Variants in BEAN1 observed in about 807,000 individuals in gnomAD.
BEAN1 encodes the protein protein BEAN1.
BEAN1 carries 17 observed loss-of-function variants against 17.7 expected under a neutral mutation model. The ratio of observed to expected loss-of-function variants is 0.96; its 90% CI spans 0.66 to 1.44. The LOEUF (loss-of-function observed/expected upper bound fraction) is 1.44. Among genes scored for constraint, BEAN1 ranks in the 40% most tolerant of loss-of-function variants. BEAN1 has a pLI of 0.00. For synonymous variants in BEAN1, 142 were observed against 151.8 expected (o/e 0.94, Z 0.47); for missense variants, 359 against 374.1 (o/e 0.96, Z 0.33).
Position 66,434,260 on chromosome 16 carries a change from C to A in BEAN1, c.-82-3335C>A, listed in dbSNP as rs1259668227. Among the ~76,000 whole-genome samples the A allele has an allele frequency of 6.6e-6, 1 of 151,602 alleles. No homozygotes were observed. The highest frequency in any genetic ancestry group is 1.9e-4 in the East Asian group (1 of 5,164). ...GACCCCTGGCAAAGGAACCACAGTC[C>A]CAGCCCATCTGTGCCCCTCATGGCT... On this transcript the variant is annotated intron_variant, in intron 1 of 4. Coordinates refer to ENST00000536005, the MANE Select transcript of BEAN1 (RefSeq NM_001178020.3). The surrounding 1 kb of genome is among the most constrained non-coding windows in gnomAD (Gnocchi z 4.3).
chr16:66,433,171 C>T (rs1320175127), intron 1 of BEAN1, among the ~76,000 whole-genome samples: 1 of 152,034 alleles, frequency 6.6e-6, no homozygotes, highest in African/African-American at 2.4e-5. Context: ...TGCAGTAGTG[C>T]AATCTTGGCT....
At chr16:66,485,434 C>T (rs770091315), downstream of BEAN1, 59 of 323,184 alleles carry the variant, frequency 1.8e-4, 1 homozygote, top group South Asian at 7.5e-4. Context: ...TTGGCATGAG[C>T]GGTGGAGAGA....
chr16:66,452,129 G>A (rs1165161951), intron 2 of BEAN1, among the ~76,000 whole-genome samples: 1 of 152,198 alleles, frequency 6.6e-6, no homozygotes, highest in East Asian at 1.9e-4. Flanking sequence ...ATGGTTTAGT[G>A]TGATGTTGGC....
intron 1 of BEAN1, 99 bp from the exon 2 acceptor site, chr16:66,437,496 C>T: frequency 1.4e-6 from 1 of 693,534 alleles, no homozygotes; most frequent in South Asian, 1.9e-5. Flanking sequence ...CCATCCTCTC[C>T]CGCAGAGGTT....
intron 2 of BEAN1, among the ~76,000 whole-genome samples, chr16:66,464,985 G>C (rs1162567082): frequency 6.6e-6 from 1 of 152,206 alleles, no homozygotes; most frequent in Non-Finnish European, 1.5e-5. Flanking sequence ...TGATCATAGG[G>C]AGAAGGTTTT....
At chr16:66,491,815 G>A (rs1426483688) in intron 4 of BEAN1, among the ~76,000 whole-genome samples, 3 of 152,144 alleles carry the variant, frequency 2.0e-5, no homozygotes, top group Admixed American at 6.5e-5. Flanking sequence ...GACAGGAGGC[G>A]GAGCTCAAGT....
At chr16:66,474,647 A>G (rs1597038434) in intron 3 of BEAN1, among the ~76,000 whole-genome samples, 4 of 64,926 alleles carry the variant, frequency 6.2e-5, no homozygotes, top group Admixed American at 1.7e-4. Context: ...GGAGGGAGGG[A>G]GGGGAAATAG....
At chr16:66,444,434 C>T (rs1187762767) in intron 2 of BEAN1, among the ~76,000 whole-genome samples, 3 of 152,088 alleles carry the variant, frequency 2.0e-5, no homozygotes, top group African/African-American at 7.2e-5. Flanking sequence ...TGACAGGTGG[C>T]TGGAGGCAGG....
At chr16:66,447,311 G>A (rs1040979094) in intron 2 of BEAN1, among the ~76,000 whole-genome samples, 2 of 152,156 alleles carry the variant, frequency 1.3e-5, no homozygotes, top group Non-Finnish European at 2.9e-5. Flanking sequence ...AGAGCTAAGA[G>A]ACCCAGGTTT....
chr16:66,486,769 C>T (rs1964095052), downstream of BEAN1, among the ~76,000 whole-genome samples: 1 of 152,212 alleles, frequency 6.6e-6, no homozygotes, highest in Non-Finnish European at 1.5e-5. Context: ...GCCATGTTCC[C>T]TTGACAGGGA....
intron 2 of BEAN1, among the ~76,000 whole-genome samples, chr16:66,442,558 G>T (rs1388226510): frequency 6.6e-6 from 1 of 152,168 alleles, no homozygotes; most frequent in African/African-American, 2.4e-5. Flanking sequence ...ATCGCAGCCA[G>T]GCAAGGCCTC....
At position 66,473,551 on chromosome 16, in the gene BEAN1, A is replaced by G. The variant is rs35205975; in HGVS notation, c.289+3686A>G. On this transcript the variant is annotated intron_variant, in intron 3 of 4. Coordinates refer to ENST00000536005, the MANE Select transcript of BEAN1 (RefSeq NM_001178020.3). This position sits in a 1 kb window ranked among gnomAD's most constrained non-coding sequence, Gnocchi z 4.5. ...TGTGGGAGAACATGAAAGCGGCACC[A>G]CCAGGCGCGGTGCCTCACACCTATA... Among the ~76,000 whole-genome samples the G allele has an allele frequency of 0.067, 10,148 of 151,836 alleles. 400 individuals carry two copies. The highest frequency in any genetic ancestry group is 0.081 in the Non-Finnish European group (5,467 of 67,876).
chr16:66,478,208 G>C (rs1239026310), intron 4 of BEAN1: 2 of 152,716 alleles, frequency 1.3e-5, no homozygotes, highest in African/African-American at 2.4e-5. Flanking sequence ...ACATCTGATG[G>C]CCCCAGGTGC....
At chr16:66,476,725 G>A (rs1444569974) in intron 3 of BEAN1, among the ~76,000 whole-genome samples, 2 of 152,210 alleles carry the variant, frequency 1.3e-5, no homozygotes, top group African/African-American at 2.4e-5. Context: ...AACCTCAGCT[G>A]TGGAATGAGA....
At chr16:66,466,451 G>A (rs1963263992) in intron 2 of BEAN1, among the ~76,000 whole-genome samples, 2 of 152,130 alleles carry the variant, frequency 1.3e-5, no homozygotes, top group South Asian at 2.1e-4. Context: ...AGTATCTTAA[G>A]GTAGAAGGTT....
At chr16:66,442,861 G>A (rs1962310259) in intron 2 of BEAN1, among the ~76,000 whole-genome samples, 1 of 152,186 alleles carries the variant, frequency 6.6e-6, no homozygotes, top group Non-Finnish European at 1.5e-5. Flanking sequence ...GAGGGAGAGG[G>A]GGAAATAGAG....
In BEAN1 at chr16:66,437,582, T is replaced by A. The variant is rs1962077417; in HGVS notation, c.-82-13T>A. On this transcript the variant is annotated splice_polypyrimidine_tract_variant and intron_variant, in intron 1 of 4. Transcript: ENST00000536005. ...ATGGGCCCCCCAACACCTGCCTGTTTGTGTCTCCGCAGGTGAGTGGAGGGG... is the reference window on the plus strand; with the variant it reads ...ATGGGCCCCCCAACACCTGCCTGTTAGTGTCTCCGCAGGTGAGTGGAGGGG... 1 of 1,402,650 alleles carries A rather than the reference T, an allele frequency of 7.1e-7. No homozygotes were observed. Among genetic ancestry groups the A allele is most frequent in the Non-Finnish European group, 9.6e-7 (1 of 1,038,810 alleles). 86.9% of individuals were successfully genotyped at this position (1,402,650 alleles called of 1,614,324 possible).
chr16:66,475,218 G>C (rs1963688520), intron 3 of BEAN1, among the ~76,000 whole-genome samples: 2 of 152,068 alleles, frequency 1.3e-5, no homozygotes, highest in South Asian at 4.1e-4. Context: ...GGAGTGGCGG[G>C]TGCAGGTTTC....
chr16:66,451,272 A>T (rs776169569), intron 2 of BEAN1: 1 of 152,812 alleles, frequency 6.5e-6, no homozygotes, highest in African/African-American at 2.4e-5. Flanking sequence ...AACATTCTCC[A>T]GTGTCCTGGG....
Sources: allele counts gnomAD v4.1 joint callset (sites outside exome capture counted in the v4.1 genomes callset), GRCh38; gene constraint gnomAD v4.1.1; non-coding constraint Gnocchi (gnomAD v3.1); transcripts MANE v1.5; gene names NCBI Gene and HGNC (gene_info 2026-07-23, HGNC 2026-07-21).